Variants in RIMS3 observed in about 807,000 individuals in gnomAD.
RIMS3 encodes the protein regulating synaptic membrane exocytosis protein 3.
A neutral mutation model predicts 29.2 loss-of-function variants in RIMS3; 15 were observed. That is an observed-to-expected ratio of 0.51 (90% CI 0.34 to 0.79). The LOEUF (loss-of-function observed/expected upper bound fraction) is 0.79, where lower values mean the gene tolerates loss of function less well. RIMS3 is among the 30% of genes least tolerant of loss of function. The probability of loss-of-function intolerance (pLI) is 0.01; values close to 1 mark genes in which losing one functional copy is unlikely to be tolerated. For missense variants in RIMS3, 342 were observed against 421.4 expected (o/e 0.81, Z 1.65); for synonymous variants, 161 against 170.1 (o/e 0.95, Z 0.41).
At chr1:40,641,358 T>C (rs1428892749) in intron 3 of RIMS3, among the ~76,000 whole-genome samples, 1 of 152,180 alleles carries the variant, frequency 6.6e-6, no homozygotes, top group East Asian at 1.9e-4. Context: ...GTTTAATAAG[T>C]AATTACTGGT....
chr1:40,680,330 GTT>G, the RIMS3 span, among the ~76,000 whole-genome samples: 13 of 127,136 alleles, frequency 1.0e-4, no homozygotes, highest in African/African-American at 1.2e-4. Context: ...AGAGTAAATA[GTT>G]TTTTTTTTTT....
At chr1:40,630,882 C>T (rs777534231) in intron 5 of RIMS3, among the ~76,000 whole-genome samples, 1 of 152,192 alleles carries the variant, frequency 6.6e-6, no homozygotes, top group Non-Finnish European at 1.5e-5. Context: ...GGCTAATTCC[C>T]AGCCTTTGCT....
At chr1:40,688,812 T>G in the RIMS3 span, among the ~76,000 whole-genome samples, 1 of 152,202 alleles carries the variant, frequency 6.6e-6, no homozygotes, top group Admixed American at 6.5e-5. Context: ...TGGGCTGCCA[T>G]GGCTGAGCAA....
At chr1:40,632,905 A>G (rs568284801) in intron 5 of RIMS3, among the ~76,000 whole-genome samples, 164 bp downstream of exon 5, 33 of 152,312 alleles carry the variant, frequency 2.2e-4, no homozygotes, top group African/African-American at 7.7e-4. Flanking sequence ...CCCATTTTAA[A>G]TATGAGGAGA....
rs767173327 is a variant in RIMS3, at chr1:40,636,343, G to C, written c.218-286C>G. ...ACGCAGAGCCGCAGATCCGCAGCTGGGGCCCTCGCCTCACCCTCATCAGGC... is the reference window on the plus strand; with the variant it reads ...ACGCAGAGCCGCAGATCCGCAGCTGCGGCCCTCGCCTCACCCTCATCAGGC... On this transcript the variant is annotated intron_variant, in intron 3 of 7. Transcript: ENST00000372684. This position sits in a 1 kb window ranked among gnomAD's most constrained non-coding sequence, Gnocchi z 4.2. 6.6e-6 allele frequency among the ~76,000 whole-genome samples: 1 copy of C among 151,970 alleles called. No homozygotes were observed. Among genetic ancestry groups the C allele is most frequent in the Non-Finnish European group, 1.5e-5 (1 of 67,894 alleles).
chr1:40,648,929 T>C lies in RIMS3; in HGVS notation c.-206-1087A>G, dbSNP rs557850923. On this transcript the variant is annotated intron_variant, in intron 1 of 7. Coordinates refer to ENST00000372684, the MANE Select transcript of RIMS3 (RefSeq NM_014747.3). The stretch of plus-strand genomic sequence containing the variant: ...CACCAGGATGGCCCATCGCATCACC[T>C]GTGCCAATCTGTGCCCCTGTCAGAG... 1.3e-3 allele frequency among the ~76,000 whole-genome samples: 191 copies of C among 152,326 alleles called. 1 individual carries two copies. Among genetic ancestry groups the C allele is most frequent in the Non-Finnish European group, 2.1e-3 (144 of 68,022 alleles).
chr1:40,633,272 G>A (rs905084594), intron 4 of RIMS3, 91 bp from the exon 5 acceptor site: 2 of 962,192 alleles, frequency 2.1e-6, no homozygotes, highest in Non-Finnish European at 1.6e-6. Context: ...TGGCCCTGGG[G>A]CCCTGGGCAC....
At chr1:40,668,500 G>GC (rs1642453706), upstream of RIMS3, among the ~76,000 whole-genome samples, 1 of 134,268 alleles carries the variant, frequency 7.4e-6, no homozygotes, top group Admixed American at 7.5e-5. Flanking sequence ...GCGGGGGGGG[G>GC]GGGGTTGGTG....
chr1:40,659,520 C>T (rs1365701720), intron 1 of RIMS3, among the ~76,000 whole-genome samples: 1 of 152,150 alleles, frequency 6.6e-6, no homozygotes, highest in African/African-American at 2.4e-5. Flanking sequence ...CTAGTCCCTT[C>T]ATTCATCTAA....
intron 3 of RIMS3, among the ~76,000 whole-genome samples, chr1:40,640,071 C>G (rs764763514): frequency 2.0e-5 from 3 of 152,176 alleles, no homozygotes; most frequent in Admixed American, 6.5e-5. Context: ...GACTGTCCCC[C>G]CAAATCACTT....
At chr1:40,626,790 G>C (rs1646457612) in intron 7 of RIMS3, 61 bp from the exon 8 acceptor site, 20 of 1,519,466 alleles carry the variant, frequency 1.3e-5, no homozygotes, top group Non-Finnish European at 1.6e-5. Flanking sequence ...CTGTGCAGCA[G>C]GCCTAGGAAC....
intron 5 of RIMS3, among the ~76,000 whole-genome samples, chr1:40,630,165 C>T (rs1646480014): frequency 6.6e-6 from 1 of 152,030 alleles, no homozygotes; most frequent in South Asian, 2.1e-4. Flanking sequence ...CGAGGCACTA[C>T]CAGACAACAA....
chr1:40,689,279 CATTT>C, the RIMS3 span, among the ~76,000 whole-genome samples: 1 of 152,004 alleles, frequency 6.6e-6, no homozygotes. Flanking sequence ...TGGTTCATGC[CATTT>C]CTTTCTTTCT....
chr1:40,646,057 C>T (rs1646592991), intron 2 of RIMS3, among the ~76,000 whole-genome samples: 2 of 152,128 alleles, frequency 1.3e-5, no homozygotes, highest in Admixed American at 1.3e-4. Context: ...ATGTGGGATT[C>T]GAACGTGAAC....
chr1:40,676,868 C>T, the RIMS3 span, among the ~76,000 whole-genome samples: 2 of 152,124 alleles, frequency 1.3e-5, no homozygotes, highest in African/African-American at 2.4e-5. Flanking sequence ...GCAGGATGGA[C>T]AAGAAGGAGA....
intron 7 of RIMS3, 45 bp downstream of exon 7, chr1:40,628,765 C>G (rs1570169598): frequency 6.2e-7 from 1 of 1,613,538 alleles, no homozygotes; most frequent in Non-Finnish European, 8.5e-7. Flanking sequence ...ATTACAACTT[C>G]CAGTCTGTGA....
At chr1:40,679,016 C>T in the RIMS3 span, among the ~76,000 whole-genome samples, 189 of 152,334 alleles carry the variant, frequency 1.2e-3, 4 homozygotes, top group African/African-American at 4.5e-3. Flanking sequence ...CCTGGAGAAT[C>T]AAAAGGGAAA....
the RIMS3 span, among the ~76,000 whole-genome samples, chr1:40,676,079 T>A: frequency 6.6e-6 from 1 of 152,072 alleles, no homozygotes; most frequent in Non-Finnish European, 1.5e-5. Flanking sequence ...GGTGAGAAGA[T>A]AGAGAATAAA....
intron 1 of RIMS3, among the ~76,000 whole-genome samples, chr1:40,662,713 C>T (rs1463011338): frequency 2.0e-5 from 3 of 152,216 alleles, no homozygotes; most frequent in African/African-American, 4.8e-5. Flanking sequence ...AGTATGCACC[C>T]TCCCCCTGCC....
Sources: gnomAD v4.1 joint callset for allele counts (sites outside exome capture counted in the v4.1 genomes callset) on GRCh38, gnomAD v4.1.1 for gene constraint, Gnocchi (gnomAD v3.1) non-coding constraint, MANE v1.5 for transcripts, NCBI Gene and HGNC (gene_info 2026-07-23, HGNC 2026-07-21) for gene names.